The following FRMD3 variants were observed in gnomAD, a reference collection of about 807,000 sequenced individuals.
FRMD3 encodes the protein FERM domain containing 3.
In FRMD3, 33 loss-of-function variants were observed where a neutral mutation model predicts 70.2. That is an observed-to-expected ratio of 0.47 (90% CI 0.36 to 0.63). FRMD3 has a LOEUF of 0.63. Among genes scored for constraint, FRMD3 ranks in the 20% least tolerant of loss-of-function variants. The probability of loss-of-function intolerance (pLI) is 0.00; values close to 1 mark genes in which losing one functional copy is unlikely to be tolerated. For missense variants in FRMD3, 632 were observed against 711.4 expected, an observed-to-expected ratio of 0.89 and a Z score of 1.27; for synonymous variants, 279 against 255.9, an observed-to-expected ratio of 1.09 and a Z score of -0.86.
chr9:83,463,041 A>T (rs1337868016), intron 1 of FRMD3, among the ~76,000 whole-genome samples: 1 of 152,204 alleles, frequency 6.6e-6, no homozygotes, highest in Non-Finnish European at 1.5e-5. Flanking sequence ...CTAGATTGCA[A>T]AAGAAGGATG....
chr9:83,467,784 C>T (rs1441177685), intron 1 of FRMD3: 8 of 1,382,474 alleles, frequency 5.8e-6, no homozygotes, highest in Non-Finnish European at 7.5e-6. Context: ...CATTGTTTAC[C>T]TATAGAAATC....
chr9:83,378,616 ATT>A (rs1825237507), intron 2 of FRMD3, among the ~76,000 whole-genome samples: 1 of 131,960 alleles, frequency 7.6e-6, no homozygotes, highest in Non-Finnish European at 1.6e-5. Flanking sequence ...ATTTATATAT[ATT>A]ATACATAATT....
At chr9:83,513,644 A>G (rs1829388421) in intron 1 of FRMD3, among the ~76,000 whole-genome samples, 1 of 152,180 alleles carries the variant, frequency 6.6e-6, no homozygotes, top group Admixed American at 6.5e-5. Flanking sequence ...ATGAAGTAGA[A>G]AGAAATATGA....
intron 2 of FRMD3, among the ~76,000 whole-genome samples, chr9:83,381,631 G>T (rs1363859307): frequency 6.6e-6 from 1 of 151,960 alleles, no homozygotes; most frequent in East Asian, 1.9e-4. Flanking sequence ...TGATGTTTTT[G>T]TATTCTAGGG....
chr9:83,494,908 T>C lies in FRMD3; in HGVS notation c.147+43177A>G, dbSNP rs1007298125. Reference sequence around the variant, plus strand: ...ATATATGATATTTTACAAAATCATATCATTGTATACACAGTTGTATACCCT... The same window carrying C: ...ATATATGATATTTTACAAAATCATACCATTGTATACACAGTTGTATACCCT... On this transcript the variant is annotated intron_variant, in intron 1 of 13. Transcript: ENST00000304195. 7.2e-5 allele frequency among the ~76,000 whole-genome samples: 11 copies of C among 152,190 alleles called. No homozygotes were observed. In the East Asian group the frequency reaches 1.9e-3, roughly 27 times the overall value.
chr9:83,451,811 T>A (rs967956381), intron 1 of FRMD3, among the ~76,000 whole-genome samples: 2 of 152,232 alleles, frequency 1.3e-5, no homozygotes, highest in African/African-American at 2.4e-5. Flanking sequence ...GCTTATGAAT[T>A]ATTAACAACT....
At chr9:83,400,232 T>C (rs533336114) in intron 1 of FRMD3, among the ~76,000 whole-genome samples, 28 of 152,256 alleles carry the variant, frequency 1.8e-4, no homozygotes, top group Non-Finnish European at 3.4e-4. Flanking sequence ...CAAAAATAAA[T>C]TGTTTTCCTA....
intron 5 of FRMD3, among the ~76,000 whole-genome samples, chr9:83,338,072 C>G (rs1823636909): frequency 6.6e-6 from 1 of 151,978 alleles, no homozygotes; most frequent in Non-Finnish European, 1.5e-5. Flanking sequence ...TTTTAATGGA[C>G]AGGAAGACCA....
intron 8 of FRMD3, among the ~76,000 whole-genome samples, chr9:83,310,963 C>A (rs1285815226): frequency 6.6e-6 from 1 of 152,172 alleles, no homozygotes; most frequent in African/African-American, 2.4e-5. Flanking sequence ...TTCCAAGAAG[C>A]AAATCCACTG....
chr9:83,256,393 G>C (rs979888559), intron 13 of FRMD3, among the ~76,000 whole-genome samples: 1 of 152,112 alleles, frequency 6.6e-6, no homozygotes, highest in Non-Finnish European at 1.5e-5. Flanking sequence ...AGACTTAAAT[G>C]TAAAACCCAA....
chr9:83,567,759 C>T, the FRMD3 span, among the ~76,000 whole-genome samples: 1 of 152,184 alleles, frequency 6.6e-6, no homozygotes, highest in Non-Finnish European at 1.5e-5. Flanking sequence ...ACAAGTTCCT[C>T]ATCTCTATAT....
chr9:83,402,862 G>T, intron 1 of FRMD3, among the ~76,000 whole-genome samples: 1 of 147,118 alleles, frequency 6.8e-6, no homozygotes, highest in Non-Finnish European at 1.5e-5. Context: ...ATAGCCTTGA[G>T]ATTCTACAGA....
At chr9:83,520,970 C>CAAAAAAAAAAAAAA (rs144061788) in intron 1 of FRMD3, among the ~76,000 whole-genome samples, 1 of 56,152 alleles carries the variant, frequency 1.8e-5, no homozygotes, top group Non-Finnish European at 3.4e-5. Flanking sequence ...ACTAAAAATA[C>CAAAAAAAAAAAAAA]AAAAAAAAAA....
chr9:83,393,952 T>A (rs7028732), intron 1 of FRMD3, among the ~76,000 whole-genome samples: 32 of 151,172 alleles, frequency 2.1e-4, no homozygotes, highest in African/African-American at 7.6e-4. Context: ...TGTTGTTGTT[T>A]TTTTTTACAA....
chr9:83,322,422 A>G (rs1835836409), intron 6 of FRMD3, among the ~76,000 whole-genome samples: 1 of 152,134 alleles, frequency 6.6e-6, no homozygotes, highest in South Asian at 2.1e-4. Flanking sequence ...TCTCAGTCTC[A>G]ACAGCAGCTC....
At chr9:83,410,999 T>A in intron 1 of FRMD3, among the ~76,000 whole-genome samples, 1 of 152,202 alleles carries the variant, frequency 6.6e-6, no homozygotes, top group South Asian at 2.1e-4. Context: ...TCAGGGTGTT[T>A]TGGGACATGA....
At chr9:83,394,934 A>G (rs1016714070) in intron 1 of FRMD3, among the ~76,000 whole-genome samples, 1 of 152,192 alleles carries the variant, frequency 6.6e-6, no homozygotes, top group African/African-American at 2.4e-5. Context: ...ATGGGAGAAT[A>G]ATGATGGTAA....
intron 3 of FRMD3, among the ~76,000 whole-genome samples, chr9:83,353,717 T>A (rs1179238588): frequency 6.6e-6 from 1 of 152,220 alleles, no homozygotes; most frequent in African/African-American, 2.4e-5. Context: ...ATTTACATTT[T>A]GAAAGCCTCT....
chr9:83,419,241 T>G (rs1826550264), intron 1 of FRMD3, among the ~76,000 whole-genome samples: 1 of 152,138 alleles, frequency 6.6e-6, no homozygotes, highest in Non-Finnish European at 1.5e-5. Flanking sequence ...ACTATGTAAT[T>G]CATCTGTATA....
Sources: gnomAD v4.1 joint callset for allele counts (sites outside exome capture counted in the v4.1 genomes callset) on GRCh38, gnomAD v4.1.1 for gene constraint, MANE v1.5 for transcripts, NCBI Gene and HGNC (gene_info 2026-07-23, HGNC 2026-07-21) for gene names.